FHIT: variants seen among roughly 807,000 people sequenced by gnomAD.
The protein encoded by FHIT is bis(5'-adenosyl)-triphosphatase.
Under a neutral mutation model 17.9 loss-of-function variants are expected in FHIT, and 19 were observed. That is an observed-to-expected ratio of 1.06 (90% CI 0.74 to 1.56). The LOEUF is 1.56. FHIT is among the 40% of genes most tolerant of loss of function. The probability of loss-of-function intolerance (pLI) is 0.00; values close to 1 mark genes in which losing one functional copy is unlikely to be tolerated. For missense variants in FHIT, 248 were observed against 189.2 expected, an observed-to-expected ratio of 1.31 and a Z score of -1.82; for synonymous variants, 81 against 69.7, an observed-to-expected ratio of 1.16 and a Z score of -0.81.
At chr3:60,332,001 T>C (rs958192141) in intron 5 of FHIT, among the ~76,000 whole-genome samples, 5 of 152,134 alleles carry the variant, frequency 3.3e-5, no homozygotes, top group Non-Finnish European at 4.4e-5. Context: ...GTGTACCATG[T>C]ACACAAAAAT....
chr3:60,763,983 G>C (rs1189195389), intron 4 of FHIT, among the ~76,000 whole-genome samples: 9 of 152,148 alleles, frequency 5.9e-5, no homozygotes, highest in Admixed American at 5.2e-4. Flanking sequence ...AGCCCGCTGA[G>C]TTAAGAGGGG....
rs532365557 is a variant in FHIT at position 60,736,281 on chromosome 3, C to T, written c.-18+85638G>A. ...TACCGTGTGACCCAGCAAGTCTACT[C>T]CTAGGTATATACCTCTGAGGAAATA... On this transcript the variant is annotated intron_variant, in intron 4 of 9. Coordinates refer to ENST00000492590, the MANE Select transcript of FHIT (RefSeq NM_002012.4). Among the ~76,000 whole-genome samples, 8 of 152,222 alleles carry T rather than the reference C, an allele frequency of 5.3e-5. No individual in the cohort carries two copies. The South Asian group carries it at 1.7e-3, about 32-fold the overall frequency.
chr3:59,985,718 A>G (rs1263426709), intron 7 of FHIT, among the ~76,000 whole-genome samples: 1 of 152,168 alleles, frequency 6.6e-6, no homozygotes, highest in African/African-American at 2.4e-5. Context: ...TCTGTCTTAA[A>G]GCAGGGTGAG....
At chr3:61,021,324 G>A (rs1178499487) in intron 3 of FHIT, among the ~76,000 whole-genome samples, 1 of 152,074 alleles carries the variant, frequency 6.6e-6, no homozygotes. Flanking sequence ...ATCAGGCCGG[G>A]CGCGGTGGCT....
intron 8 of FHIT, among the ~76,000 whole-genome samples, chr3:59,806,916 C>T (rs1700227633): frequency 6.6e-6 from 1 of 151,974 alleles, no homozygotes; most frequent in Admixed American, 6.6e-5. Context: ...TCAGAAAGCC[C>T]CTCTATTAAT....
intron 5 of FHIT, among the ~76,000 whole-genome samples, chr3:60,086,201 C>A (rs1559619418): frequency 6.6e-6 from 1 of 152,062 alleles, no homozygotes; most frequent in Non-Finnish European, 1.5e-5. Context: ...CTTCTGGAAA[C>A]TAATAGAGTG....
At chr3:60,403,151 A>G (rs1383027168) in intron 5 of FHIT, among the ~76,000 whole-genome samples, 3 of 152,168 alleles carry the variant, frequency 2.0e-5, no homozygotes, top group Admixed American at 6.5e-5. Flanking sequence ...CGGGATAGAC[A>G]AAGACAGAAA....
intron 3 of FHIT, 44 bp downstream of exon 3, chr3:61,042,003 G>T (rs961360993): frequency 3.9e-5 from 6 of 152,182 alleles, no homozygotes; most frequent in African/African-American, 1.4e-4. Flanking sequence ...TTAGCCAGTG[G>T]CATATGTGCC....
chr3:61,048,631 T>C (rs1246078849), intron 2 of FHIT, among the ~76,000 whole-genome samples: 1 of 152,206 alleles, frequency 6.6e-6, no homozygotes, highest in Non-Finnish European at 1.5e-5. Flanking sequence ...TTACTGGGTA[T>C]ATACCCAAAG....
chr3:61,156,059 CAT>C (rs1340466732), intron 2 of FHIT, among the ~76,000 whole-genome samples: 4 of 152,202 alleles, frequency 2.6e-5, no homozygotes, highest in Non-Finnish European at 5.9e-5. Context: ...CAACATTTCA[CAT>C]GTGTTGTCAC....
intron 5 of FHIT, among the ~76,000 whole-genome samples, chr3:60,209,085 T>G (rs1576311730): frequency 6.6e-6 from 1 of 152,136 alleles, no homozygotes; most frequent in Admixed American, 6.5e-5. Context: ...AATACATCAT[T>G]CAAATTTCAA....
chr3:61,207,831 T>C (rs1169989458), intron 1 of FHIT, among the ~76,000 whole-genome samples: 1 of 152,262 alleles, frequency 6.6e-6, no homozygotes, highest in African/African-American at 2.4e-5. Context: ...AGTTCTGCTC[T>C]GATTTTCATT....
At chr3:60,224,518 T>C (rs1300981557) in intron 5 of FHIT, among the ~76,000 whole-genome samples, 3 of 152,058 alleles carry the variant, frequency 2.0e-5, no homozygotes, top group African/African-American at 7.2e-5. Context: ...CTCCTTATGC[T>C]CATATCCCTC....
intron 3 of FHIT, among the ~76,000 whole-genome samples, chr3:60,846,826 C>CT (rs1289189948): frequency 1.7e-4 from 25 of 147,590 alleles, no homozygotes; most frequent in Middle Eastern, 3.5e-3. Context: ...CATAATCTTT[C>CT]TTTTTTTTTT....
intron 2 of FHIT, among the ~76,000 whole-genome samples, chr3:61,066,674 C>A (rs2034622591): frequency 6.6e-6 from 1 of 152,128 alleles, no homozygotes; most frequent in Non-Finnish European, 1.5e-5. Flanking sequence ...GCCGTTATGT[C>A]TGCACCCCAG....
At chr3:59,824,033 G>C (rs1056216632) in intron 8 of FHIT, among the ~76,000 whole-genome samples, 4 of 152,162 alleles carry the variant, frequency 2.6e-5, no homozygotes, top group African/African-American at 9.7e-5. Context: ...CAAATCAGTA[G>C]CTCTGCTATA....
intron 5 of FHIT, among the ~76,000 whole-genome samples, chr3:60,473,437 G>A (rs2033187324): frequency 1.3e-5 from 2 of 152,290 alleles, no homozygotes; most frequent in South Asian, 4.1e-4. Context: ...AGGGGAATGT[G>A]AGAGACATTA....
chr3:59,814,748 T>G (rs1378053708), intron 8 of FHIT, among the ~76,000 whole-genome samples: 1 of 152,212 alleles, frequency 6.6e-6, no homozygotes, highest in East Asian at 1.9e-4. Flanking sequence ...CCCTCTCTCA[T>G]GGAGCTCCCA....
At position 60,421,030 on chromosome 3, in the gene FHIT, CTTTT is replaced by C. The variant is rs33921357; in HGVS notation, c.103+115826_103+115829del. On this transcript the variant is annotated intron_variant, in intron 5 of 9. Transcript: ENST00000492590. ...TAAAGAACTAAGATTTCTCCCACTA[CTTTT>C]TTTTTTTTTTTTTCTAAAGAGAGAA... 5.1e-3 allele frequency among the ~76,000 whole-genome samples: 702 copies of C among 138,340 alleles called. 1 individual carries two copies. Among genetic ancestry groups the C allele is most frequent in the African/African-American group, 0.018 (679 of 38,598 alleles). The allele number at this position is 138,340 out of a possible 152,430, so 90.8% of individuals were successfully genotyped here. A position where few individuals can be genotyped will look rare whatever the true frequency, so the allele number is the denominator to read the frequency against.
Sources: gnomAD v4.1 joint callset for allele counts (sites outside exome capture counted in the v4.1 genomes callset) on GRCh38, gnomAD v4.1.1 for gene constraint, MANE v1.5 for transcripts, NCBI Gene and HGNC (gene_info 2026-07-23, HGNC 2026-07-21) for gene names.